Variants in THRB observed in about 807,000 individuals in gnomAD.
THRB encodes the protein nuclear receptor subfamily 1 group A member 2.
A neutral mutation model predicts 47.8 loss-of-function variants in THRB; 12 were observed. The observed-to-expected ratio is 0.25, with a 90% CI of 0.16 to 0.41. THRB has a LOEUF of 0.41. Ranked by LOEUF, THRB falls within the 10% of genes least tolerant of loss-of-function variation. The pLI, the probability that THRB is intolerant of heterozygous loss-of-function variation, is 1.00. For synonymous variants in THRB, 218 were observed against 212.2 expected, an observed-to-expected ratio of 1.03 and a Z score of -0.24; for missense variants, 348 against 589.2, an observed-to-expected ratio of 0.59 and a Z score of 4.24.
intron 5 of THRB, among the ~76,000 whole-genome samples, chr3:24,157,746 G>T (rs2038084711): frequency 6.6e-6 from 1 of 152,108 alleles, no homozygotes; most frequent in South Asian, 2.1e-4. Context: ...TTCCCAGGCT[G>T]GTCTTGAGCT....
At chr3:24,387,181 A>C (rs2066187697) in intron 1 of THRB, among the ~76,000 whole-genome samples, 1 of 152,138 alleles carries the variant, frequency 6.6e-6, no homozygotes, top group Non-Finnish European at 1.5e-5. Flanking sequence ...ACAAAACCAC[A>C]TCTTAATCAT....
intron 2 of THRB, among the ~76,000 whole-genome samples, chr3:24,312,786 C>T (rs78204232): frequency 0.013 from 1,963 of 152,174 alleles, 37 homozygotes; most frequent in African/African-American, 0.044. Flanking sequence ...TGTGGAAGAG[C>T]GAATATTTTA....
intron 5 of THRB, among the ~76,000 whole-genome samples, chr3:24,170,040 A>G (rs907760949): frequency 1.2e-4 from 18 of 152,124 alleles, no homozygotes; most frequent in African/African-American, 4.3e-4. Context: ...GGATATCTCC[A>G]TCGCAGATGT....
intron 3 of THRB, among the ~76,000 whole-genome samples, chr3:24,250,923 T>C (rs997891711): frequency 1.3e-5 from 2 of 152,064 alleles, no homozygotes; most frequent in Middle Eastern, 3.4e-3. Context: ...AATTATAGCA[T>C]GTGACCAAAG....
At chr3:24,467,673 G>GT (rs539039752) in intron 1 of THRB, among the ~76,000 whole-genome samples, 108 of 152,310 alleles carry the variant, frequency 7.1e-4, no homozygotes, top group Admixed American at 1.9e-3. Context: ...AAAGGAATGT[G>GT]TTTTTTCTGA....
chr3:24,362,360 C>T (rs576349562), intron 1 of THRB, among the ~76,000 whole-genome samples: 3 of 152,164 alleles, frequency 2.0e-5, no homozygotes, highest in Non-Finnish European at 4.4e-5. Flanking sequence ...CAACATGAAG[C>T]CTCTGCACTA....
At chr3:24,454,560 T>C (rs1462068618) in intron 1 of THRB, among the ~76,000 whole-genome samples, 1 of 152,238 alleles carries the variant, frequency 6.6e-6, no homozygotes, top group Non-Finnish European at 1.5e-5. Flanking sequence ...ATGTAGTTTT[T>C]ACTACACTTT....
intron 1 of THRB, among the ~76,000 whole-genome samples, chr3:24,377,827 G>C (rs951779781): frequency 3.9e-5 from 6 of 152,044 alleles, no homozygotes; most frequent in African/African-American, 1.4e-4. Context: ...GCTCTTTCTA[G>C]TGGCAAAATT....
At chr3:24,189,534 A>C (rs1278503612) in intron 5 of THRB, among the ~76,000 whole-genome samples, 1 of 151,872 alleles carries the variant, frequency 6.6e-6, no homozygotes, top group Non-Finnish European at 1.5e-5. Context: ...TTTTTGCCTT[A>C]TGAGCTGACA....
intron 1 of THRB, among the ~76,000 whole-genome samples, chr3:24,373,720 C>T (rs1350977279): frequency 2.0e-5 from 3 of 152,072 alleles, no homozygotes; most frequent in Non-Finnish European, 4.4e-5. Context: ...TTCCGTACTT[C>T]TATACTTGAG....
chr3:24,278,031 C>T (rs1576487942), intron 3 of THRB, among the ~76,000 whole-genome samples: 1 of 152,128 alleles, frequency 6.6e-6, no homozygotes, highest in African/African-American at 2.4e-5. Flanking sequence ...TAGTTCTGTT[C>T]TTCTAATCTG....
chr3:24,384,105 C>T (rs1411838790), intron 1 of THRB, among the ~76,000 whole-genome samples: 1 of 152,104 alleles, frequency 6.6e-6, no homozygotes, highest in Non-Finnish European at 1.5e-5. Context: ...CCAGGTCTTT[C>T]CACCTTTATA....
chr3:24,322,564 C>T (rs544982625), intron 2 of THRB, among the ~76,000 whole-genome samples: 1 of 152,318 alleles, frequency 6.6e-6, no homozygotes, highest in Admixed American at 6.5e-5. Context: ...TGGACAGAAG[C>T]TTTCATCTCT....
At chr3:24,440,983 G>A (rs1324714956) in intron 1 of THRB, among the ~76,000 whole-genome samples, 2 of 152,204 alleles carry the variant, frequency 1.3e-5, no homozygotes, top group African/African-American at 4.8e-5. Context: ...TCACCAGGCT[G>A]AAATCAAGGT....
At chr3:24,131,167 AAT>A (rs1386431245) in intron 9 of THRB, among the ~76,000 whole-genome samples, 8 of 152,220 alleles carry the variant, frequency 5.3e-5, no homozygotes, top group Admixed American at 2.0e-4. Flanking sequence ...CATTATATTA[AAT>A]ATGTTTTATA....
intron 1 of THRB, among the ~76,000 whole-genome samples, chr3:24,402,752 C>T (rs551199766): frequency 2.6e-5 from 4 of 151,844 alleles, no homozygotes; most frequent in Non-Finnish European, 5.9e-5. Flanking sequence ...ATAATGATGG[C>T]CAAATGACCA....
At chr3:24,495,662 C>T (rs1698904913), upstream of THRB, 1 of 152,270 alleles carries the variant, frequency 6.6e-6, no homozygotes, top group Non-Finnish European at 1.5e-5. Flanking sequence ...ACACCGGGAC[C>T]GGAGGGCGAG....
At chr3:24,211,166 C>T (rs2045981705) in intron 4 of THRB, among the ~76,000 whole-genome samples, 1 of 146,160 alleles carries the variant, frequency 6.8e-6, no homozygotes, top group Admixed American at 6.9e-5. Flanking sequence ...CGCCACTGCA[C>T]TCCAGCCTGG....
intron 1 of THRB, among the ~76,000 whole-genome samples, chr3:24,381,113 CA>C (rs35253085): frequency 0.073 from 6,431 of 87,678 alleles, 283 homozygotes; most frequent in African/African-American, 0.21. Context: ...GACTCTGCCT[CA>C]AAAAAAAAAA....
Sources: allele counts gnomAD v4.1 joint callset (sites outside exome capture counted in the v4.1 genomes callset), GRCh38; gene constraint gnomAD v4.1.1; transcripts MANE v1.5; gene names NCBI Gene and HGNC (gene_info 2026-07-23, HGNC 2026-07-21).